Variants in TENM4 observed in about 807,000 individuals in gnomAD.
TENM4 encodes the protein teneurin-4.
In TENM4, 82 loss-of-function variants were observed where a neutral mutation model predicts 243.3. That is an observed-to-expected ratio of 0.34 (90% confidence interval 0.28 to 0.40). The LOEUF (loss-of-function observed/expected upper bound fraction) is 0.40, where lower values mean the gene tolerates loss of function less well. Ranked by LOEUF, TENM4 falls within the 10% of genes least tolerant of loss-of-function variation. The probability of loss-of-function intolerance (pLI) is 1.00; values close to 1 mark genes in which losing one functional copy is unlikely to be tolerated. For missense variants in TENM4, 3,138 were observed against 3,673.3 expected (o/e 0.85, Z 3.77); for synonymous variants, 1,412 against 1,456.3 (o/e 0.97, Z 0.69).
intron 2 of TENM4, among the ~76,000 whole-genome samples, chr11:79,282,630 C>T (rs1198809574): frequency 6.6e-6 from 1 of 152,096 alleles, no homozygotes; most frequent in Admixed American, 6.6e-5. Context: ...GAATGGCAAG[C>T]TATTAATACT....
At chr11:78,865,610 A>G (rs577865726) in intron 9 of TENM4, among the ~76,000 whole-genome samples, 1 of 152,284 alleles carries the variant, frequency 6.6e-6, no homozygotes, top group East Asian at 1.9e-4. Context: ...TGTGACTGCC[A>G]TCAAGACACA....
At chr11:78,990,063 TA>T (rs780530657) in intron 6 of TENM4, among the ~76,000 whole-genome samples, 1,830 of 138,364 alleles carry the variant, frequency 0.013, 12 homozygotes, top group African/African-American at 0.027. Flanking sequence ...AGGCTTTGTT[TA>T]AAAAAAAAAA....
rs114129756 is a variant in TENM4 at position 79,438,407 on chromosome 11, C to T, written c.-321+2102G>A. Among the ~76,000 whole-genome samples the T allele has an allele frequency of 2.4e-3, 359 of 152,302 alleles. 1 individual carries two copies. Among genetic ancestry groups the T allele is most frequent in the African/African-American group, 8.1e-3 (337 of 41,556 alleles). ...TCTGCAGAGGCGAGAGGCGAAGGAA[C>T]GGAAGCCATACCCGACCCCAGCCCC... is the stretch of plus-strand genomic sequence containing the variant. On this transcript the variant is annotated intron_variant, in intron 1 of 33. Transcript: ENST00000278550. The surrounding 1 kb of genome is among the most constrained non-coding windows in gnomAD (Gnocchi z 4.1).
intron 4 of TENM4, among the ~76,000 whole-genome samples, chr11:79,092,199 G>C (rs956748156): frequency 6.6e-6 from 1 of 152,158 alleles, no homozygotes; most frequent in South Asian, 2.1e-4. Context: ...ATGGGATTTA[G>C]AGCCTGCCTT....
At chr11:79,276,543 C>T (rs568952213) in intron 2 of TENM4, among the ~76,000 whole-genome samples, 134 of 152,314 alleles carry the variant, frequency 8.8e-4, no homozygotes, top group African/African-American at 3.0e-3. Flanking sequence ...ATGCATCTTT[C>T]TCCTAGCGCA....
intron 32 of TENM4, among the ~76,000 whole-genome samples, chr11:78,664,845 C>T (rs1858112874): frequency 6.6e-6 from 1 of 152,192 alleles, no homozygotes; most frequent in African/African-American, 2.4e-5. Flanking sequence ...ATAAGGAATA[C>T]TGCAAATTCT....
intron 28 of TENM4, among the ~76,000 whole-genome samples, chr11:78,690,632 C>G (rs1216924488): frequency 1.3e-5 from 2 of 152,114 alleles, no homozygotes; most frequent in African/African-American, 4.8e-5. Context: ...ATAACAATTT[C>G]CAGGCATTTT....
At chr11:78,749,797 C>G (rs1465792634) in intron 19 of TENM4, among the ~76,000 whole-genome samples, 3 of 152,104 alleles carry the variant, frequency 2.0e-5, no homozygotes, top group Non-Finnish European at 2.9e-5. Context: ...CTGTTTAGAG[C>G]CAGTTTTAGG....
In TENM4 at chr11:78,669,776, G is replaced by C. The variant is rs1858268859; in HGVS notation, c.6569C>G (p.Thr2190Ser). The change falls in exon 32 of 34, where the codon ACT becomes AGT. Residue 2190 changes from threonine to serine, a missense_variant. This residue lies in a region of TENM4 where 2,467 missense variants were observed against 3,059.1 expected (regional missense o/e 0.81). Transcript: ENST00000278550. The surrounding 1 kb of genome is among the most constrained non-coding windows in gnomAD (Gnocchi z 6.4). ...ELKVGPYANT[T>S]RYSYEYDADG... ...AGCATCATACTCATAGGAGTAGCGA[G>C]TGGTATTGGCGTAGGGTCCTACCTT... 2 of 1,613,910 alleles carry C rather than the reference G, an allele frequency of 1.2e-6. No individual in the cohort carries two copies. Among genetic ancestry groups the C allele is most frequent in the African/African-American group, 1.3e-5 (1 of 74,924 alleles).
chr11:79,401,713 T>C (rs1739970829), intron 1 of TENM4, among the ~76,000 whole-genome samples: 1 of 152,194 alleles, frequency 6.6e-6, no homozygotes, highest in Admixed American at 6.5e-5. Context: ...CATAAGCACT[T>C]TTCCATCAAG....
At position 78,922,666 on chromosome 11, in the gene TENM4, GGTCAAACAC is replaced by G. The variant is rs1202922270; in HGVS notation, c.494-19152_494-19144del. On this transcript the variant is annotated intron_variant, in intron 6 of 33. Transcript: ENST00000278550. ...ATGAAGGCAACAGCAAGAGAATCCC[GGTCAAACAC>G]GTCAAACATGTGATTATAGTTCAGC... 3.3e-5 allele frequency among the ~76,000 whole-genome samples: 5 copies of G among 152,170 alleles called. No individual in the cohort carries two copies. The East Asian group carries it at 9.6e-4, about 29-fold the overall frequency.
chr11:79,076,588 G>A (rs1345025174), intron 4 of TENM4, among the ~76,000 whole-genome samples: 1 of 152,144 alleles, frequency 6.6e-6, no homozygotes, highest in African/African-American at 2.4e-5. Flanking sequence ...AATTCAAGAT[G>A]AGATATGGGT....
chr11:78,767,214 G>A (rs1221615757), intron 18 of TENM4, among the ~76,000 whole-genome samples: 1 of 152,124 alleles, frequency 6.6e-6, no homozygotes, highest in African/African-American at 2.4e-5. Flanking sequence ...CAGTTTCTGC[G>A]ACCGGCCAGC....
chr11:78,736,445 AGTGT>A (rs3223449), intron 20 of TENM4, among the ~76,000 whole-genome samples: 58,904 of 145,092 alleles, frequency 0.41, 13,863 homozygotes, highest in Non-Finnish European at 0.54. Context: ...GATTTCAGCA[AGTGT>A]GTGTGTGTGT....
chr11:78,986,352 T>A (rs1302135361), intron 6 of TENM4, among the ~76,000 whole-genome samples: 2 of 152,198 alleles, frequency 1.3e-5, no homozygotes, highest in Non-Finnish European at 2.9e-5. Context: ...TTTCATAAAA[T>A]CTTTTCCCCT....
chr11:79,238,103 G>T (rs1198658024), intron 2 of TENM4, among the ~76,000 whole-genome samples: 1 of 152,154 alleles, frequency 6.6e-6, no homozygotes, highest in Non-Finnish European at 1.5e-5. Context: ...ATTATGTTAT[G>T]ATATTTGTCC....
At chr11:79,340,922 G>C (rs574421264) in intron 1 of TENM4, among the ~76,000 whole-genome samples, 1 of 152,320 alleles carries the variant, frequency 6.6e-6, no homozygotes, top group Admixed American at 6.5e-5. Flanking sequence ...CTGTGCAGAG[G>C]TGATTGAGTA....
chr11:78,715,477 A>G (rs1314005602), intron 25 of TENM4, among the ~76,000 whole-genome samples: 2 of 152,178 alleles, frequency 1.3e-5, no homozygotes, highest in African/African-American at 4.8e-5. Context: ...ACTGCTCCAG[A>G]GAAGTGTCAC....
intron 1 of TENM4, among the ~76,000 whole-genome samples, chr11:79,303,205 G>A (rs1215279551): frequency 6.6e-6 from 1 of 152,318 alleles, no homozygotes; most frequent in Non-Finnish European, 1.5e-5. Flanking sequence ...TCCAGGAAGA[G>A]GAACTGGAAT....
Sources: gnomAD v4.1 joint callset for allele counts (sites outside exome capture counted in the v4.1 genomes callset) on GRCh38, gnomAD v4.1.1 for gene constraint, gnomAD v4.1.1 regional missense constraint, Gnocchi (gnomAD v3.1) non-coding constraint, MANE v1.5 for transcripts, NCBI Gene and HGNC (gene_info 2026-07-23, HGNC 2026-07-21) for gene names.